Variants in GCC2 observed in about 807,000 individuals in gnomAD.
The protein encoded by GCC2 is GRIP and coiled-coil domain containing 2.
GCC2 carries 120 observed loss-of-function variants against 210.6 expected under a neutral mutation model. That is an observed-to-expected ratio of 0.57 (90% CI 0.49 to 0.66). GCC2 has a LOEUF of 0.66. Among genes scored for constraint, GCC2 ranks in the 30% least tolerant of loss-of-function variants. GCC2 has a pLI of 0.00. For missense variants in GCC2, 1,868 were observed against 1,871.9 expected, an observed-to-expected ratio of 1.00 and a Z score of 0.04; for synonymous variants, 703 against 652.7, an observed-to-expected ratio of 1.08 and a Z score of -1.17.
At chr2:108,449,765 G>T in intron 2 of GCC2, 76 bp downstream of exon 2, 1 of 1,107,420 alleles carries the variant, frequency 9.0e-7, no homozygotes, top group East Asian at 2.4e-5. Flanking sequence ...GCATGGGGAA[G>T]GGGGGGGCGC....
intron 16 of GCC2, 37 bp downstream of exon 16, chr2:108,486,685 A>G (rs1484143894): frequency 6.3e-7 from 1 of 1,583,860 alleles, no homozygotes; most frequent in Admixed American, 1.8e-5. Context: ...AGCCACTGGG[A>G]TTTTATTATC....
intron 4 of GCC2, among the ~76,000 whole-genome samples, chr2:108,452,757 G>A (rs1233622955): frequency 7.4e-6 from 1 of 135,518 alleles, no homozygotes; most frequent in Non-Finnish European, 1.5e-5. Flanking sequence ...GCAGTGGTGT[G>A]ATCTTGGCTC....
Position 108,493,612 on chromosome 2 carries a change from C to A in GCC2, c.4447+822C>A, listed in dbSNP as rs912113469. On this transcript the variant is annotated intron_variant, in intron 19 of 22. Coordinates refer to ENST00000309863, the MANE Select transcript of GCC2 (RefSeq NM_181453.4). ...TCAGCCACACCCAGTATCTTCCATT[C>A]TGCTTCCAGGAAGACATGGAAAAAT... The A allele has an allele frequency of 8.1e-6, 8 of 985,316 alleles. No homozygotes were observed. In the African/African-American group the frequency reaches 1.2e-4, roughly 15 times the overall value. 61.0% of individuals were successfully genotyped at this position (985,316 alleles called of 1,614,324 possible).
At chr2:108,488,076 T>C (rs2104489672) in intron 17 of GCC2, among the ~76,000 whole-genome samples, 1 of 152,098 alleles carries the variant, frequency 6.6e-6, no homozygotes, top group East Asian at 1.9e-4. Context: ...CAGCTAATTT[T>C]TGTATTTTTT....
At chr2:108,506,580 A>G (rs1306063040) in intron 22 of GCC2, among the ~76,000 whole-genome samples, 1 of 152,206 alleles carries the variant, frequency 6.6e-6, no homozygotes, top group African/African-American at 2.4e-5. Flanking sequence ...AGGTTTTACT[A>G]TAAGTAAGTT....
intron 19 of GCC2, chr2:108,493,429 G>A (rs1183709752): frequency 1.0e-6 from 1 of 983,610 alleles, no homozygotes; most frequent in East Asian, 1.1e-4. Context: ...TTTCTTTCAT[G>A]TTCTCCGTTG....
In GCC2 at chr2:108,468,984, T is replaced by C. The variant is rs1441173043; in HGVS notation, c.221T>C (p.Leu74Ser). ...TEGTGDIIKA[L>S]TERLDALLLE... ...ATAAATCTTGTTCTAAAATAGGCAT[T>C]AACTGAACGTCTGGATGCTCTTCTT... The change falls in exon 5 of 23, where the codon TTA becomes TCA. Residue 74 changes from leucine (L) to serine (S), a missense_variant. Coordinates refer to ENST00000309863, the MANE Select transcript of GCC2 (RefSeq NM_181453.4). 1.9e-6 allele frequency: 3 copies of C among 1,605,220 alleles called. No individual in the cohort carries two copies. The highest frequency in any genetic ancestry group is 3.3e-5 in the Admixed American group (2 of 59,870).
Position 108,471,292 on chromosome 2 carries a change from A to T in GCC2, c.1963A>T (p.Thr655Ser), listed in dbSNP as rs920857758. 9 of 1,611,464 alleles carry T rather than the reference A, an allele frequency of 5.6e-6. No homozygotes were observed. In the African/African-American group the frequency reaches 8.0e-5, roughly 14 times the overall value. ...TGAATTAACAGGAGGACTAGAGGAG[A>T]CTTTAAAAGAAAAGGATCAAAATGA... ...VNELTGGLEE[T>S]LKEKDQNDQK... The change falls in exon 6 of 23, where the codon ACT becomes TCT. Residue 655 changes from threonine to serine, a missense_variant. Thr to Ser is a moderately conservative substitution (Grantham distance 58). This residue lies in a region of GCC2 where 1,847 missense variants were observed against 1,765.2 expected (regional missense o/e 1.05). Coordinates refer to ENST00000309863, the MANE Select transcript of GCC2 (RefSeq NM_181453.4).
At position 108,485,646 on chromosome 2, in the gene GCC2, G is replaced by A. The variant is rs1162137907; in HGVS notation, c.3624G>A (p.Gln1208=). 1.2e-5 allele frequency: 18 copies of A among 1,531,732 alleles called. No homozygotes were observed. Among genetic ancestry groups the A allele is most frequent in the Non-Finnish European group, 1.5e-5 (17 of 1,132,050 alleles). 94.9% of individuals were successfully genotyped at this position (1,531,732 alleles called of 1,614,324 possible). ...ETLQEEITSL[Q]SSVQQYEEKN... ...TATTTCTTGTGCTAGCTTCATTACA[G>A]TCTTCAGTACAACAATATGAAGAAA... The change falls in exon 14 of 23, where the codon CAG becomes CAA. Residue 1208 remains glutamine, a synonymous_variant. Transcript: ENST00000309863.
In GCC2 at chr2:108,482,279, C is replaced by A; in HGVS notation, c.3181-8C>A. The A allele has an allele frequency of 6.5e-7, 1 of 1,538,894 alleles. No individual in the cohort carries two copies. The highest frequency in any genetic ancestry group is 8.9e-7 in the Non-Finnish European group (1 of 1,127,858). Reference sequence around the variant, plus strand: ...ATGTTTATAGTAATGAATCATTTGTCATTTCAGTGTGAAACAATAAATTCT... The same window carrying A: ...ATGTTTATAGTAATGAATCATTTGTAATTTCAGTGTGAAACAATAAATTCT... On this transcript the variant is annotated splice_polypyrimidine_tract_variant and splice_region_variant and intron_variant, in intron 10 of 22. Coordinates refer to ENST00000309863, the MANE Select transcript of GCC2 (RefSeq NM_181453.4).
At chr2:108,495,194 TATC>T (rs1682587847) in intron 19 of GCC2, 94 bp from the exon 20 acceptor site, 4 of 650,468 alleles carry the variant, frequency 6.1e-6, no homozygotes, top group Non-Finnish European at 1.0e-5. Context: ...CCTCTACTCT[TATC>T]ATTTGATATT....
At chr2:108,500,297 A>G (rs920581421) in intron 22 of GCC2, among the ~76,000 whole-genome samples, 1 of 152,140 alleles carries the variant, frequency 6.6e-6, no homozygotes, top group Admixed American at 6.5e-5. Context: ...GGCGGATCAC[A>G]AGATCAAGAT....
intron 2 of GCC2, among the ~76,000 whole-genome samples, 184 bp from the exon 3 acceptor site, chr2:108,450,844 T>C (rs377585182): frequency 3.3e-5 from 5 of 152,280 alleles, no homozygotes; most frequent in Middle Eastern, 6.8e-3. Flanking sequence ...GATCGTGTCA[T>C]GCACTCCGGC....
intron 4 of GCC2, among the ~76,000 whole-genome samples, chr2:108,461,985 A>G (rs1435977370): frequency 2.3e-5 from 3 of 129,744 alleles, no homozygotes; most frequent in Admixed American, 1.6e-4. Flanking sequence ...GGCGCCCACC[A>G]CCGCCCCCAG....
chr2:108,454,091 C>T (rs1331386291), intron 4 of GCC2, among the ~76,000 whole-genome samples: 6 of 152,042 alleles, frequency 3.9e-5, no homozygotes, highest in Admixed American at 6.6e-5. Flanking sequence ...CCTGGGTTGA[C>T]GCCATTCTCC....
intron 22 of GCC2, among the ~76,000 whole-genome samples, chr2:108,500,338 T>A (rs1215812339): frequency 6.6e-6 from 1 of 151,748 alleles, no homozygotes; most frequent in Non-Finnish European, 1.5e-5. Context: ...CATGGTGAAA[T>A]CTCGTCTCTA....
intron 7 of GCC2, 86 bp downstream of exon 7, chr2:108,472,985 A>G (rs949155476): frequency 1.3e-5 from 10 of 756,252 alleles, no homozygotes; most frequent in Non-Finnish European, 2.2e-5. Flanking sequence ...TAGTAGCCAA[A>G]TAATGAGTTG....
chr2:108,490,039 C>G (rs1392993567), intron 18 of GCC2, 25 bp downstream of exon 18: 1 of 1,505,062 alleles, frequency 6.6e-7, no homozygotes, highest in Non-Finnish European at 9.0e-7. Context: ...AGCACTAACG[C>G]TGTACCAGAC....
intron 18 of GCC2, among the ~76,000 whole-genome samples, chr2:108,491,093 TTA>T (rs1242805458): frequency 6.6e-6 from 1 of 152,192 alleles, no homozygotes; most frequent in Non-Finnish European, 1.5e-5. Flanking sequence ...TATTCATACT[TTA>T]TCTATAGCAG....
Sources: allele counts gnomAD v4.1 joint callset (sites outside exome capture counted in the v4.1 genomes callset), GRCh38; gene constraint gnomAD v4.1.1; regional missense constraint gnomAD v4.1.1; transcripts MANE v1.5; gene names NCBI Gene and HGNC (gene_info 2026-07-23, HGNC 2026-07-21).